STXBP6: variants seen among roughly 807,000 people sequenced by gnomAD.
STXBP6 encodes syntaxin-binding protein 6.
In STXBP6, 21 loss-of-function variants were observed where a neutral mutation model predicts 26.9. That is an observed-to-expected ratio of 0.78 (90% CI 0.55 to 1.12). STXBP6 has a LOEUF of 1.12. Ranked by LOEUF, STXBP6 falls within the 50% of genes most tolerant of loss-of-function variation. The pLI, the probability that STXBP6 is intolerant of heterozygous loss-of-function variation, is 0.00. For missense variants in STXBP6, 232 were observed against 257.9 expected (o/e 0.90, Z 0.69); for synonymous variants, 97 against 92.6 (o/e 1.05, Z -0.27).
intron 2 of STXBP6, among the ~76,000 whole-genome samples, chr14:24,955,893 C>T (rs2073328276): frequency 6.6e-6 from 1 of 152,118 alleles, no homozygotes. Flanking sequence ...ACAACCACTC[C>T]AAATATTCAG....
At chr14:24,933,264 C>A (rs1373450649) in intron 2 of STXBP6, among the ~76,000 whole-genome samples, 1 of 152,156 alleles carries the variant, frequency 6.6e-6, no homozygotes, top group Non-Finnish European at 1.5e-5. Flanking sequence ...ATCCCCTGAG[C>A]AAGGGAGGTG....
At chr14:24,820,656 A>G (rs796316260) in intron 4 of STXBP6, among the ~76,000 whole-genome samples, 2 of 152,324 alleles carry the variant, frequency 1.3e-5, no homozygotes, top group African/African-American at 4.8e-5. Flanking sequence ...CATACTCATA[A>G]CTATGATAAT....
intron 2 of STXBP6, among the ~76,000 whole-genome samples, chr14:24,919,187 C>G (rs909651449): frequency 6.6e-5 from 10 of 152,020 alleles, no homozygotes; most frequent in African/African-American, 2.4e-4. Context: ...GTTTAGCACA[C>G]TCAGAAATCA....
chr14:24,858,841 G>T (rs531269132), intron 2 of STXBP6, among the ~76,000 whole-genome samples: 1 of 152,204 alleles, frequency 6.6e-6, no homozygotes, highest in East Asian at 1.9e-4. Flanking sequence ...ATTAAAAAAG[G>T]CTTTTCAATA....
At chr14:24,923,707 T>C (rs764995580) in intron 2 of STXBP6, among the ~76,000 whole-genome samples, 27 of 152,208 alleles carry the variant, frequency 1.8e-4, no homozygotes, top group African/African-American at 5.3e-4. Context: ...GTGTCTTTCA[T>C]GTTTACTGGT....
At chr14:25,026,039 T>C (rs1003111476) in intron 1 of STXBP6, among the ~76,000 whole-genome samples, 17 of 152,236 alleles carry the variant, frequency 1.1e-4, no homozygotes, top group African/African-American at 3.9e-4. Flanking sequence ...CTTTACATTG[T>C]TGGTGGAGTT....
rs529270452 is a variant in STXBP6, at chr14:25,001,362, G to A, written c.-32-26512C>T. On this transcript the variant is annotated intron_variant, in intron 1 of 5. Coordinates refer to ENST00000323944, the MANE Select transcript of STXBP6 (RefSeq NM_001394410.1). Reference sequence around the variant, plus strand: ...TCTCCTAAAACCTGTGGCATTTCCTGAGTGATAGGAGTAGCTTTTAAAATT... The same window carrying A: ...TCTCCTAAAACCTGTGGCATTTCCTAAGTGATAGGAGTAGCTTTTAAAATT... Among the ~76,000 whole-genome samples the A allele has an allele frequency of 2.2e-4, 34 of 152,294 alleles. No individual in the cohort carries two copies. The South Asian group carries it at 6.8e-3, about 31-fold the overall frequency.
intron 1 of STXBP6, among the ~76,000 whole-genome samples, chr14:25,043,222 C>G (rs184601961): frequency 6.6e-6 from 1 of 152,138 alleles, no homozygotes; most frequent in Non-Finnish European, 1.5e-5. Flanking sequence ...GGAACAAAAC[C>G]CTTTTAATTC....
chr14:25,021,470 A>G (rs1160845294), intron 1 of STXBP6, among the ~76,000 whole-genome samples: 1 of 152,200 alleles, frequency 6.6e-6, no homozygotes, highest in Non-Finnish European at 1.5e-5. Flanking sequence ...GAAAAATAGA[A>G]GAATAGGGTG....
At chr14:24,973,230 T>C (rs1008553477) in intron 2 of STXBP6, among the ~76,000 whole-genome samples, 1 of 152,218 alleles carries the variant, frequency 6.6e-6, no homozygotes, top group African/African-American at 2.4e-5. Context: ...CCCTAGAATA[T>C]GCCCGGCACT....
chr14:24,926,505 G>A (rs536110294), intron 2 of STXBP6, among the ~76,000 whole-genome samples: 1 of 152,176 alleles, frequency 6.6e-6, no homozygotes, highest in Non-Finnish European at 1.5e-5. Context: ...TTTACGCCCT[G>A]TGATGACTGA....
chr14:24,929,887 G>GTACCA (rs546349122), intron 2 of STXBP6, among the ~76,000 whole-genome samples: 6 of 152,154 alleles, frequency 3.9e-5, no homozygotes, highest in Admixed American at 6.5e-5. Flanking sequence ...AGGGGTAGCA[G>GTACCA]TACCATACCA....
At chr14:25,004,700 ACC>A (rs1472235558) in intron 1 of STXBP6, among the ~76,000 whole-genome samples, 1 of 152,228 alleles carries the variant, frequency 6.6e-6, no homozygotes, top group Admixed American at 6.5e-5. Flanking sequence ...GTATCCCGAT[ACC>A]ACCTAGCACA....
At chr14:24,907,781 G>GT (rs2071435105) in intron 2 of STXBP6, among the ~76,000 whole-genome samples, 1 of 151,642 alleles carries the variant, frequency 6.6e-6, no homozygotes, top group African/African-American at 2.4e-5. Flanking sequence ...CTTTTTAAAA[G>GT]TTTTTTTTCC....
At chr14:24,906,159 G>C (rs1463687330) in intron 2 of STXBP6, among the ~76,000 whole-genome samples, 3 of 151,884 alleles carry the variant, frequency 2.0e-5, no homozygotes, top group East Asian at 1.9e-4. Context: ...TTTTTAAAAG[G>C]GTCTTAGAAT....
In STXBP6 at chr14:24,819,163, G is replaced by A. The variant is rs781308662; in HGVS notation, c.483C>T (p.Ser161=). 3.0e-5 allele frequency: 49 copies of A among 1,614,082 alleles called. No homozygotes were observed. The highest frequency in any genetic ancestry group is 2.0e-4 in the East Asian group (9 of 44,874). ...GNSILHSAAD[S]VTSAVQKASQ... is the part of the protein sequence containing the mutation. ...TTGCCTTCTGCACTGCGCTGGTCAC[G>A]CTGTCAGCAGCTGAATGGAGGATGC... The change falls in exon 5 of 6, where the codon AGC becomes AGT. Residue 161 remains serine (S), a synonymous_variant. Transcript: ENST00000323944.
chr14:25,011,331 G>A (rs954286237), intron 1 of STXBP6, among the ~76,000 whole-genome samples: 15 of 152,154 alleles, frequency 9.9e-5, no homozygotes, highest in African/African-American at 2.4e-4. Flanking sequence ...GTCAGGTACC[G>A]TCAAGTATTT....
intron 1 of STXBP6, among the ~76,000 whole-genome samples, chr14:25,025,524 T>C (rs898783317): frequency 7.2e-5 from 11 of 152,184 alleles, no homozygotes; most frequent in African/African-American, 2.7e-4. Flanking sequence ...ACTAAAATGT[T>C]TTAACATCAT....
intron 1 of STXBP6, among the ~76,000 whole-genome samples, chr14:25,021,977 C>G (rs1211192779): frequency 6.6e-6 from 1 of 152,110 alleles, no homozygotes; most frequent in Non-Finnish European, 1.5e-5. Flanking sequence ...TGGTATAGGC[C>G]TATAATAAAG....
Sources: allele counts gnomAD v4.1 joint callset (sites outside exome capture counted in the v4.1 genomes callset), GRCh38; gene constraint gnomAD v4.1.1; transcripts MANE v1.5; gene names NCBI Gene and HGNC (gene_info 2026-07-23, HGNC 2026-07-21).